DCP2: variants seen among roughly 807,000 people sequenced by gnomAD.
DCP2 encodes the protein decapping mRNA 2, also known as m7GpppN-mRNA hydrolase.
A neutral mutation model predicts 56.1 loss-of-function variants in DCP2; 30 were observed. The ratio of observed to expected loss-of-function variants is 0.53; its 90% CI spans 0.40 to 0.73. DCP2 has a LOEUF of 0.73. Ranked by LOEUF, DCP2 falls within the 30% of genes least tolerant of loss-of-function variation. The probability of loss-of-function intolerance (pLI) is 0.00; values close to 1 mark genes in which losing one functional copy is unlikely to be tolerated. For missense variants in DCP2, 533 were observed against 502.7 expected (o/e 1.06, Z -0.58); for synonymous variants, 197 against 163.3 (o/e 1.21, Z -1.57).
At chr5:112,993,628 AAAAAAAAAAAACC>A (rs1446425155) in intron 4 of DCP2, among the ~76,000 whole-genome samples, 2 of 142,280 alleles carry the variant, frequency 1.4e-5, no homozygotes, top group African/African-American at 5.0e-5. Context: ...CTATCTCAAA[AAAAAAAAAAAACC>A]AAAAAAAAAA....
intron 2 of DCP2, among the ~76,000 whole-genome samples, chr5:112,986,444 T>G (rs935852689): frequency 6.6e-6 from 1 of 151,990 alleles, no homozygotes; most frequent in African/African-American, 2.4e-5. Context: ...TAAGCAATCC[T>G]CCTCCCTAGC....
At chr5:113,001,327 C>T in intron 5 of DCP2, 30 bp from the exon 6 acceptor site, 1 of 1,597,418 alleles carries the variant, frequency 6.3e-7, no homozygotes, top group Non-Finnish European at 8.5e-7. Context: ...TAAAAATTAA[C>T]TAAATGAATT....
chr5:112,977,170 C>A (rs1183611898), intron 1 of DCP2, among the ~76,000 whole-genome samples, 184 bp downstream of exon 1: 1 of 152,180 alleles, frequency 6.6e-6, no homozygotes, highest in Non-Finnish European at 1.5e-5. Flanking sequence ...CCGCAGCCTC[C>A]CTGTTTCTCA....
chr5:113,011,372 G>A (rs186386628), intron 10 of DCP2, among the ~76,000 whole-genome samples: 1 of 152,332 alleles, frequency 6.6e-6, no homozygotes, highest in East Asian at 1.9e-4. Context: ...AACTAGGTGT[G>A]TTGTCTGATT....
intron 4 of DCP2, 138 bp from the exon 5 acceptor site, chr5:113,000,946 G>A (rs533988185): frequency 5.6e-6 from 5 of 889,172 alleles, no homozygotes; most frequent in East Asian, 2.7e-5. Context: ...ATGCATTTCT[G>A]TACCAGCCTG....
At position 112,988,294 on chromosome 5, in the gene DCP2, AAC is replaced by A. The variant is rs1740059857; in HGVS notation, c.205+2312_205+2313del. Among the ~76,000 whole-genome samples the A allele has an allele frequency of 2.7e-5, 4 of 150,548 alleles. No homozygotes were observed. In the South Asian group the frequency reaches 8.5e-4, roughly 32 times the overall value. On this transcript the variant is annotated intron_variant, in intron 2 of 10. Transcript: ENST00000389063. ...TCAGGAGATCGAGACCATCCTGGCC[AAC>A]ACAGTAAAACCCCGTCTCTACTAAA...
intron 4 of DCP2, among the ~76,000 whole-genome samples, chr5:112,999,335 T>C (rs1749017560): frequency 7.1e-6 from 1 of 141,718 alleles, no homozygotes; most frequent in African/African-American, 2.5e-5. Flanking sequence ...TTTTCTGTTG[T>C]TTTTTTTTTG....
rs61746772 is a variant in DCP2 at position 112,976,805 on chromosome 5, C to G, written c.-129C>G. The G allele has an allele frequency of 3.2e-6, 3 of 927,976 alleles. No individual in the cohort carries two copies. The highest frequency in any genetic ancestry group is 2.6e-5 in the South Asian group (2 of 77,388). The allele number at this position is 927,976 out of a possible 1,614,324, so 57.5% of individuals were successfully genotyped here. ...GTCCCGCCCCTTCCCCTTCTCGTCT[C>G]CGTTGGAGTCGTCTCTGCCGCGGCT... On this transcript the variant is annotated 5_prime_UTR_variant, in exon 1 of 11. Coordinates refer to ENST00000389063, the MANE Select transcript of DCP2 (RefSeq NM_152624.6).
In DCP2 at chr5:113,013,757, A is replaced by G; in HGVS notation, c.*273A>G. On this transcript the variant is annotated 3_prime_UTR_variant, in exon 11 of 11. Transcript: ENST00000389063. ...TTTATTCTGTGTGACTGTGGGTTTT[A>G]TTTTGTATTCTGGTTAAGAAAATAA... 2 of 305,042 alleles carry G rather than the reference A, an allele frequency of 6.6e-6. No individual in the cohort carries two copies. Among genetic ancestry groups the G allele is most frequent in the Admixed American group, 4.7e-5 (1 of 21,246 alleles). The allele number at this position is 305,042 out of a possible 1,614,324, so 18.9% of individuals were successfully genotyped here.
At chr5:112,991,211 A>G (rs1432512279) in intron 2 of DCP2, among the ~76,000 whole-genome samples, 1 of 152,244 alleles carries the variant, frequency 6.6e-6, no homozygotes, top group Admixed American at 6.5e-5. Context: ...TAATATCAAA[A>G]TGAAAACACA....
Position 113,016,253 on chromosome 5 carries a change from A to T in DCP2, c.*2769A>T, listed in dbSNP as rs1346257666. ...AGCAAATGAATGGTTTAGGATTTCA[A>T]ATAGTGATACCCTCCTGAGACATGA... is the stretch of plus-strand genomic sequence containing the variant. On this transcript the variant is annotated 3_prime_UTR_variant, in exon 11 of 11. Transcript: ENST00000389063. 6.6e-6 allele frequency: 1 copy of T among 152,642 alleles called. No individual in the cohort carries two copies. The highest frequency in any genetic ancestry group is 1.5e-5 in the Non-Finnish European group (1 of 68,040). 9.5% of individuals were successfully genotyped at this position (152,642 alleles called of 1,614,324 possible). A position where few individuals can be genotyped will look rare whatever the true frequency, so the allele number is the denominator to read the frequency against.
chr5:113,006,296 G>T (rs1749435271), intron 8 of DCP2, among the ~76,000 whole-genome samples: 1 of 152,028 alleles, frequency 6.6e-6, no homozygotes, highest in Admixed American at 6.6e-5. Context: ...CTAGAGGGAG[G>T]GGAGAATAGG....
In DCP2 at chr5:113,003,595, A is replaced by G. The variant is rs544866568; in HGVS notation, c.807-347A>G. Among the ~76,000 whole-genome samples the G allele has an allele frequency of 4.6e-5, 7 of 152,272 alleles. No homozygotes were observed. In the South Asian group the frequency reaches 1.2e-3, roughly 27 times the overall value. On this transcript the variant is annotated intron_variant, in intron 7 of 10. Coordinates refer to ENST00000389063, the MANE Select transcript of DCP2 (RefSeq NM_152624.6). ...AGTCTCAAAAAGCAGGAAAATGTAC[A>G]TTCGTTTCATCTAAATTTAGATTTA...
intron 4 of DCP2, among the ~76,000 whole-genome samples, chr5:112,996,508 T>C (rs2150179901): frequency 6.6e-6 from 1 of 152,366 alleles, no homozygotes; most frequent in East Asian, 1.9e-4. Flanking sequence ...ATTATGGCAT[T>C]CATACAGTTA....
At chr5:113,005,668 T>G (rs530753079) in intron 8 of DCP2, among the ~76,000 whole-genome samples, 26 of 152,262 alleles carry the variant, frequency 1.7e-4, no homozygotes, top group South Asian at 2.1e-4. Flanking sequence ...TCCAAAAGAA[T>G]TGAAAGCAGG....
At position 113,004,893 on chromosome 5, in the gene DCP2, G is replaced by T. The variant is rs559427310; in HGVS notation, c.942+816G>T. On this transcript the variant is annotated intron_variant, in intron 8 of 10. Transcript: ENST00000389063. ...CTGTAATCCCAGCACTTTGGGAGGCGAGGCGGGTGAATCACCTAAGGTCAT... is the reference window on the plus strand; with the variant it reads ...CTGTAATCCCAGCACTTTGGGAGGCTAGGCGGGTGAATCACCTAAGGTCAT... Among the ~76,000 whole-genome samples, 4 of 151,456 alleles carry T rather than the reference G, an allele frequency of 2.6e-5. No individual in the cohort carries two copies. In the East Asian group the frequency reaches 7.7e-4, roughly 29 times the overall value.
At chr5:113,012,789 G>A (rs569177039) in intron 10 of DCP2, among the ~76,000 whole-genome samples, 24 of 152,166 alleles carry the variant, frequency 1.6e-4, no homozygotes, top group East Asian at 9.7e-4. Context: ...GATTACAGGC[G>A]TGTGCCACCA....
At chr5:113,005,431 A>C (rs573244218) in intron 8 of DCP2, among the ~76,000 whole-genome samples, 138 of 152,238 alleles carry the variant, frequency 9.1e-4, no homozygotes, top group Non-Finnish European at 1.5e-3. Context: ...GTTAATAATT[A>C]GTGGTATCTC....
Position 113,021,070 on chromosome 5 carries a change from G to A in DCP2, c.*7586G>A, listed in dbSNP as rs1750100831. On this transcript the variant is annotated 3_prime_UTR_variant, in exon 11 of 11. Transcript: ENST00000389063. ...AAAATGGCAAGTATGAGATGAACAT[G>A]ATAAAAGTATGTTTATATAACAGGA... is the stretch of plus-strand genomic sequence containing the variant. The A allele has an allele frequency of 6.6e-6, 1 of 152,086 alleles. No homozygotes were observed. The highest frequency in any genetic ancestry group is 2.1e-4 in the South Asian group (1 of 4,828). 9.4% of individuals were successfully genotyped at this position (152,086 alleles called of 1,614,324 possible). A position where few individuals can be genotyped will look rare whatever the true frequency, so the allele number is the denominator to read the frequency against.
Sources: allele counts gnomAD v4.1 joint callset (sites outside exome capture counted in the v4.1 genomes callset), GRCh38; gene constraint gnomAD v4.1.1; transcripts MANE v1.5; gene names NCBI Gene and HGNC (gene_info 2026-07-23, HGNC 2026-07-21).